Variants in ABCD2 observed in about 807,000 individuals in gnomAD.
ABCD2 encodes the protein ATP-binding cassette sub-family D member 2.
ABCD2 carries 36 observed loss-of-function variants against 70.9 expected under a neutral mutation model. That is an observed-to-expected ratio of 0.51 (90% CI 0.39 to 0.67). ABCD2 has a LOEUF of 0.67. Among genes scored for constraint, ABCD2 ranks in the 30% least tolerant of loss-of-function variants. ABCD2 has a pLI of 0.00. For synonymous variants in ABCD2, 304 were observed against 306.9 expected, an observed-to-expected ratio of 0.99 and a Z score of 0.10; for missense variants, 729 against 890.2, an observed-to-expected ratio of 0.82 and a Z score of 2.30.
chr12:39,572,203 G>T (rs2120589111), intron 9 of ABCD2, among the ~76,000 whole-genome samples: 1 of 152,296 alleles, frequency 6.6e-6, no homozygotes, highest in Non-Finnish European at 1.5e-5. Context: ...GGAATTGAAT[G>T]GCAGGATAGC....
At chr12:39,585,489 A>G (rs1290751999) in intron 7 of ABCD2, among the ~76,000 whole-genome samples, 2 of 152,104 alleles carry the variant, frequency 1.3e-5, no homozygotes, top group Non-Finnish European at 2.9e-5. Flanking sequence ...CTCTCTTCCT[A>G]TGTGAATGCC....
intron 9 of ABCD2, among the ~76,000 whole-genome samples, chr12:39,567,818 C>T (rs1271373483): frequency 6.6e-6 from 1 of 152,132 alleles, no homozygotes; most frequent in African/African-American, 2.4e-5. Flanking sequence ...TAGGGCAGGC[C>T]TAGTGGTGAC....
chr12:39,608,160 C>G (rs1007537300), intron 2 of ABCD2, among the ~76,000 whole-genome samples: 1 of 151,286 alleles, frequency 6.6e-6, no homozygotes, highest in African/African-American at 2.4e-5. Flanking sequence ...AGAGTGAGAC[C>G]TCTTCTCAAA....
chr12:39,576,836 A>C (rs1010345781), intron 8 of ABCD2, among the ~76,000 whole-genome samples: 1 of 152,234 alleles, frequency 6.6e-6, no homozygotes, highest in Non-Finnish European at 1.5e-5. Context: ...TATTGGTTAC[A>C]TAATGTAGAA....
rs765058939 is a variant in ABCD2, at chr12:39,553,996, C to A, written c.2139G>T (p.Met713Ile). The part of the protein sequence containing the change: ...LESQLAGIPK[M>I]QQRLNELCKI... ...TACATAGTTCATTGAGTCTCTGCTG[C>A]ATTTTGGGAATTCCAGCTAGCTGAG... The change falls in exon 10 of 10, where the codon ATG (methionine) becomes ATT (isoleucine). Residue 713 changes from methionine (M) to isoleucine (I), a missense_variant. Coordinates refer to ENST00000308666, the MANE Select transcript of ABCD2 (RefSeq NM_005164.4). 1.2e-6 allele frequency: 2 copies of A among 1,613,436 alleles called. No individual in the cohort carries two copies. The highest frequency in any genetic ancestry group is 3.3e-5 in the Admixed American group (2 of 59,968).
intron 7 of ABCD2, among the ~76,000 whole-genome samples, chr12:39,580,014 G>T (rs116252051): frequency 6.6e-6 from 1 of 151,970 alleles, no homozygotes; most frequent in Admixed American, 6.5e-5. Context: ...AATTTAGGTG[G>T]CTCTCCTGTG....
intron 1 of ABCD2, among the ~76,000 whole-genome samples, chr12:39,617,850 A>G (rs1283426515): frequency 6.6e-6 from 1 of 152,200 alleles, no homozygotes; most frequent in African/African-American, 2.4e-5. Context: ...ATTTAAATTA[A>G]GATTGCATTG....
At chr12:39,615,522 T>C (rs1448442809) in intron 2 of ABCD2, among the ~76,000 whole-genome samples, 2 of 152,084 alleles carry the variant, frequency 1.3e-5, no homozygotes, top group Non-Finnish European at 2.9e-5. Context: ...AATTAAATTC[T>C]TTTTAGTAAA....
intron 2 of ABCD2, among the ~76,000 whole-genome samples, chr12:39,608,083 A>C (rs190224492): frequency 6.6e-6 from 1 of 151,984 alleles, no homozygotes; most frequent in East Asian, 1.9e-4. Flanking sequence ...CAGGAGGATC[A>C]CTTGAACCTG....
chr12:39,531,247 T>A, the ABCD2 span, among the ~76,000 whole-genome samples: 2 of 152,118 alleles, frequency 1.3e-5, no homozygotes, highest in African/African-American at 4.8e-5. Flanking sequence ...ATAAAATGAG[T>A]TAGTTTCTGC....
chr12:39,588,066 G>T (rs1941690105), intron 6 of ABCD2, among the ~76,000 whole-genome samples: 1 of 152,146 alleles, frequency 6.6e-6, no homozygotes, highest in South Asian at 2.1e-4. Context: ...AGGAGCAAGG[G>T]TTCTCACTGT....
rs918307554 is a variant in ABCD2 at position 39,611,660 on chromosome 12, T to C, written c.1121-3946A>G. 2.6e-5 allele frequency among the ~76,000 whole-genome samples: 4 copies of C among 152,116 alleles called. 1 individual carries two copies. In the South Asian group the frequency reaches 8.3e-4, roughly 31 times the overall value. On this transcript the variant is annotated intron_variant, in intron 2 of 9. Transcript: ENST00000308666. ...TTGAGTTAGGCAGATATTTCTTAAA[T>C]AGGACATAAAACCACTAACCATAAA...
At chr12:39,577,259 T>C (rs542797746) in intron 8 of ABCD2, among the ~76,000 whole-genome samples, 1 of 152,262 alleles carries the variant, frequency 6.6e-6, no homozygotes, top group South Asian at 2.1e-4. Flanking sequence ...GAACATATTA[T>C]ATTTTAATAA....
intron 9 of ABCD2, among the ~76,000 whole-genome samples, chr12:39,567,439 G>T (rs1315829060): frequency 2.0e-5 from 3 of 152,126 alleles, no homozygotes; most frequent in Non-Finnish European, 4.4e-5. Flanking sequence ...TTTTATTAGA[G>T]ACTAGGATTG....
chr12:39,557,537 G>A lies in ABCD2; in HGVS notation c.2004-3406C>T, dbSNP rs12302657. On this transcript the variant is annotated intron_variant, in intron 9 of 9. Transcript: ENST00000308666. Reference sequence around the variant, plus strand: ...CTGCAGAAATTTGCATAAGTAATGAGGAACCAAATGTTAATCACCAAGACA... The same window carrying A: ...CTGCAGAAATTTGCATAAGTAATGAAGAACCAAATGTTAATCACCAAGACA... 5.0e-4 allele frequency among the ~76,000 whole-genome samples: 76 copies of A among 152,270 alleles called. 1 individual carries two copies. The highest frequency in any genetic ancestry group is 1.7e-3 in the African/African-American group (69 of 41,568).
chr12:39,604,914 C>A lies in ABCD2; in HGVS notation c.1253G>T (p.Gly418Val). 6.3e-7 allele frequency: 1 copy of A among 1,589,522 alleles called. No homozygotes were observed. Among genetic ancestry groups the A allele is most frequent in the Non-Finnish European group, 8.5e-7 (1 of 1,171,988 alleles). ...SSYKEVTELA[G>V]YTARVYNMFW... ...CATATTGTACACTCGAGCAGTGTAG[C>A]CTGCTAATTCAGTGACCTAAAAGCA... Residue 418 changes from glycine to valine, a missense_variant, in exon 4 of 10, where the codon GGC becomes GTC. Transcript: ENST00000308666.
rs527338857 is a variant in ABCD2 at position 39,610,932 on chromosome 12, C to T, written c.1121-3218G>A. 3.3e-5 allele frequency among the ~76,000 whole-genome samples: 5 copies of T among 152,216 alleles called. No individual in the cohort carries two copies. The South Asian group carries it at 1.0e-3, about 32-fold the overall frequency. ...TAGTGCCAGAGATATAAATCCATGA[C>T]CTAAAATACTAAGCAGTTTTTATTC... On this transcript the variant is annotated intron_variant, in intron 2 of 9. Coordinates refer to ENST00000308666, the MANE Select transcript of ABCD2 (RefSeq NM_005164.4).
At chr12:39,611,180 A>G (rs1399500533) in intron 2 of ABCD2, among the ~76,000 whole-genome samples, 1 of 152,188 alleles carries the variant, frequency 6.6e-6, no homozygotes, top group Non-Finnish European at 1.5e-5. Flanking sequence ...TATATTTACC[A>G]TAACCCTTGC....
In ABCD2 at chr12:39,551,794, C is replaced by G. The variant is rs1221306097; in HGVS notation, c.*2118G>C. ...CAAATCTAATATTTGTTTTGGCATT[C>G]TTTTCAATGTTTCAAAACAAAATTA... is the stretch of plus-strand genomic sequence containing the variant. On this transcript the variant is annotated 3_prime_UTR_variant, in exon 10 of 10. Coordinates refer to ENST00000308666, the MANE Select transcript of ABCD2 (RefSeq NM_005164.4). The G allele has an allele frequency of 2.6e-5, 4 of 151,546 alleles. No homozygotes were observed. Among genetic ancestry groups the G allele is most frequent in the Non-Finnish European group, 4.4e-5 (3 of 67,640 alleles). 9.4% of individuals were successfully genotyped at this position (151,546 alleles called of 1,614,324 possible). A position where few individuals can be genotyped will look rare whatever the true frequency, so the allele number is the denominator to read the frequency against.
Sources: gnomAD v4.1 joint callset for allele counts (sites outside exome capture counted in the v4.1 genomes callset) on GRCh38, gnomAD v4.1.1 for gene constraint, MANE v1.5 for transcripts, NCBI Gene and HGNC (gene_info 2026-07-23, HGNC 2026-07-21) for gene names.